CLIC4: variants seen among roughly 807,000 people sequenced by gnomAD.
The protein encoded by CLIC4 is CLIC family member 4, also known as chloride intracellular channel protein 4.
A neutral mutation model predicts 24.6 loss-of-function variants in CLIC4; 13 were observed. The observed-to-expected ratio is 0.53, with a 90% confidence interval of 0.34 to 0.84. The LOEUF (loss-of-function observed/expected upper bound fraction) is 0.84, where lower values mean the gene tolerates loss of function less well. Ranked by LOEUF, CLIC4 falls within the 40% of genes least tolerant of loss-of-function variation. The pLI is 0.01. For missense variants in CLIC4, 227 were observed against 301.7 expected (o/e 0.75, Z 1.83); for synonymous variants, 104 against 111.3 (o/e 0.93, Z 0.41).
Position 24,772,033 on chromosome 1 carries a change from A to G in CLIC4, c.73-25709A>G, listed in dbSNP as rs141108395. On this transcript the variant is annotated intron_variant, in intron 1 of 5. Transcript: ENST00000374379. ...GTCAGATCCAGAGAATTAAATTCTCATAATTAGAAGCAATCTATTAGATAA... is the reference window on the plus strand; with the variant it reads ...GTCAGATCCAGAGAATTAAATTCTCGTAATTAGAAGCAATCTATTAGATAA... Among the ~76,000 whole-genome samples the G allele has an allele frequency of 2.9e-3, 438 of 152,372 alleles. 1 individual carries two copies. The highest frequency in any genetic ancestry group is 9.7e-3 in the African/African-American group (405 of 41,582).
intron 2 of CLIC4, among the ~76,000 whole-genome samples, chr1:24,807,640 A>C (rs1245333149): frequency 6.6e-6 from 1 of 152,220 alleles, no homozygotes; most frequent in Non-Finnish European, 1.5e-5. Flanking sequence ...GGAGCAGGTA[A>C]TCGAAAATGG....
At chr1:24,758,275 A>T (rs1638876503) in intron 1 of CLIC4, among the ~76,000 whole-genome samples, 2 of 151,746 alleles carry the variant, frequency 1.3e-5, no homozygotes, top group Admixed American at 6.6e-5. Context: ...TAACCCCTTG[A>T]CTAGAGATAG....
chr1:24,787,397 A>G (rs1037429343), intron 1 of CLIC4, among the ~76,000 whole-genome samples: 1 of 152,010 alleles, frequency 6.6e-6, no homozygotes, highest in African/African-American at 2.4e-5. Flanking sequence ...GTATATATTT[A>G]TATTTATAAT....
intron 3 of CLIC4, among the ~76,000 whole-genome samples, chr1:24,825,628 T>C (rs1219092691): frequency 6.6e-6 from 1 of 152,212 alleles, no homozygotes; most frequent in East Asian, 1.9e-4. Context: ...CTAGGTACAC[T>C]TATTAAAAAA....
At chr1:24,838,002 A>G (rs2124177639) in intron 4 of CLIC4, among the ~76,000 whole-genome samples, 1 of 151,946 alleles carries the variant, frequency 6.6e-6, no homozygotes, top group Non-Finnish European at 1.5e-5. Flanking sequence ...GACACTTGAA[A>G]CCATATTTGT....
chr1:24,811,333 G>A (rs747141834), intron 2 of CLIC4, among the ~76,000 whole-genome samples: 7 of 152,230 alleles, frequency 4.6e-5, no homozygotes, highest in Admixed American at 1.3e-4. Flanking sequence ...ATATGTGCAC[G>A]AGAGGAGAAT....
Position 24,805,458 on chromosome 1 carries a change from T to C in CLIC4, c.182+7607T>C, listed in dbSNP as rs1256792612. Among the ~76,000 whole-genome samples the C allele has an allele frequency of 2.0e-5, 3 of 152,302 alleles. No individual in the cohort carries two copies. In the East Asian group the frequency reaches 5.8e-4, roughly 29 times the overall value. ...ATTCTGGTTCTCTGGTGTTAACTTT[T>C]GTGAGGTTTTTTGTTGTTGTTGTTA... On this transcript the variant is annotated intron_variant, in intron 2 of 5. Transcript: ENST00000374379.
intron 1 of CLIC4, among the ~76,000 whole-genome samples, chr1:24,785,019 GA>G (rs1639250028): frequency 8.3e-6 from 1 of 120,650 alleles, no homozygotes; most frequent in African/African-American, 3.0e-5. Flanking sequence ...AAAAAAAAAA[GA>G]AAAAAGAAAA....
intron 1 of CLIC4, among the ~76,000 whole-genome samples, chr1:24,785,890 GAA>G (rs1639262691): frequency 7.7e-6 from 1 of 130,340 alleles, no homozygotes; most frequent in East Asian, 2.2e-4. Flanking sequence ...AAGAAAAAAA[GAA>G]AAACTGAAGA....
In CLIC4 at chr1:24,843,408, A is replaced by G. The variant is rs879098284; in HGVS notation, c.*2471A>G. 3 of 152,168 alleles carry G rather than the reference A, an allele frequency of 2.0e-5. No individual in the cohort carries two copies. Among genetic ancestry groups the G allele is most frequent in the East Asian group, 3.8e-4 (2 of 5,204 alleles). 9.4% of individuals were successfully genotyped at this position (152,168 alleles called of 1,614,324 possible). A position where few individuals can be genotyped will look rare whatever the true frequency, so the allele number is the denominator to read the frequency against. On this transcript the variant is annotated 3_prime_UTR_variant, in exon 6 of 6. Transcript: ENST00000374379. ...GCCATAATGGAAATAATCTGATTTT[A>G]TTTTTACAACTAACATCCATTCCCC...
chr1:24,787,330 T>C (rs1452274198), intron 1 of CLIC4, among the ~76,000 whole-genome samples: 1 of 152,028 alleles, frequency 6.6e-6, no homozygotes, highest in Admixed American at 6.6e-5. Context: ...CTGTCTCTAC[T>C]AAAGATACCA....
chr1:24,811,593 C>T (rs1293200805), intron 2 of CLIC4, among the ~76,000 whole-genome samples: 2 of 152,132 alleles, frequency 1.3e-5, no homozygotes, highest in Non-Finnish European at 2.9e-5. Context: ...CCATCTCAGC[C>T]TCCCAAGTAG....
intron 3 of CLIC4, among the ~76,000 whole-genome samples, chr1:24,825,882 A>G (rs1639782898): frequency 6.6e-6 from 1 of 152,172 alleles, no homozygotes; most frequent in South Asian, 2.1e-4. Context: ...TAATTAGTAC[A>G]CTGTAAGGTT....
At position 24,756,361 on chromosome 1, in the gene CLIC4, A is replaced by G. The variant is rs16829981; in HGVS notation, c.72+10736A>G. 2.7e-3 allele frequency among the ~76,000 whole-genome samples: 417 copies of G among 152,322 alleles called. 9 individuals carry two copies. The East Asian group carries it at 0.044, about 16-fold the overall frequency. ...GGCCAGGAACGGACCTGAGTTCAAC[A>G]TGCATATATTTTGTACCTTTAAGCA... is the stretch of plus-strand genomic sequence containing the variant. On this transcript the variant is annotated intron_variant, in intron 1 of 5. Transcript: ENST00000374379.
chr1:24,755,841 G>A (rs945102963), intron 1 of CLIC4, among the ~76,000 whole-genome samples: 4 of 151,694 alleles, frequency 2.6e-5, no homozygotes, highest in Admixed American at 2.0e-4. Flanking sequence ...TTTTTTTTGA[G>A]ATGGAGTTTT....
At chr1:24,777,320 C>G (rs556913850) in intron 1 of CLIC4, among the ~76,000 whole-genome samples, 1 of 152,106 alleles carries the variant, frequency 6.6e-6, no homozygotes, top group Non-Finnish European at 1.5e-5. Flanking sequence ...CCAGGGCGGG[C>G]GGATCAAGAG....
At chr1:24,794,312 G>GTA (rs762666095) in intron 1 of CLIC4, among the ~76,000 whole-genome samples, 8 of 149,950 alleles carry the variant, frequency 5.3e-5, no homozygotes, top group Non-Finnish European at 8.9e-5. Context: ...CACCAGCAGC[G>GTA]TATAGTGTTC....
chr1:24,771,943 CA>C, intron 1 of CLIC4: 1 of 465,234 alleles, frequency 2.1e-6, no homozygotes. Context: ...TTTTATATGC[CA>C]AGGTAGCCTT....
intron 4 of CLIC4, among the ~76,000 whole-genome samples, chr1:24,839,475 A>G (rs1639918570): frequency 6.6e-6 from 1 of 151,872 alleles, no homozygotes; most frequent in Non-Finnish European, 1.5e-5. Context: ...AATTTTTTGT[A>G]TTTTTAGTAG....
Sources: allele counts gnomAD v4.1 joint callset (sites outside exome capture counted in the v4.1 genomes callset), GRCh38; gene constraint gnomAD v4.1.1; transcripts MANE v1.5; gene names NCBI Gene and HGNC (gene_info 2026-07-23, HGNC 2026-07-21).